HPS5: variants seen among roughly 807,000 people sequenced by gnomAD.
HPS5 encodes the protein BLOC-2 complex member HPS5.
Under a neutral mutation model 128.0 loss-of-function variants are expected in HPS5, and 83 were observed. The ratio of observed to expected loss-of-function variants is 0.65; its 90% CI spans 0.54 to 0.78. HPS5 has a LOEUF of 0.78. Ranked by LOEUF, HPS5 falls within the 30% of genes least tolerant of loss-of-function variation. The pLI is 0.00. For synonymous variants in HPS5, 475 were observed against 470.2 expected, an observed-to-expected ratio of 1.01 and a Z score of -0.13; for missense variants, 1,281 against 1,326.2, an observed-to-expected ratio of 0.97 and a Z score of 0.53.
intron 19 of HPS5, 96 bp downstream of exon 19, chr11:18,286,495 T>C (rs1859741684): frequency 2.4e-6 from 3 of 1,260,890 alleles, no homozygotes; most frequent in Admixed American, 2.1e-5. Context: ...GAAGCCATGA[T>C]CTTAGCACCA....
rs911262669 is a variant in HPS5 at position 18,282,208 on chromosome 11, T to G, written c.3071A>C (p.Glu1024Ala). ...LMEGDNGWIP[E>A]TVEEWKLLLH... Reference sequence around the variant, plus strand: ...GAGAAGCTTCCATTCCTCCACGGTCTCTGGGATCCAACCTAAACACACACA... The same window carrying G: ...GAGAAGCTTCCATTCCTCCACGGTCGCTGGGATCCAACCTAAACACACACA... Residue 1024 changes from glutamate (E) to alanine (A), a missense_variant, in exon 22 of 23, where the codon GAG (glutamate) becomes GCG (alanine). Transcript: ENST00000349215. 1 of 1,614,116 alleles carries G rather than the reference T, an allele frequency of 6.2e-7. No homozygotes were observed. Among genetic ancestry groups the G allele is most frequent in the African/African-American group, 1.3e-5 (1 of 75,034 alleles).
intron 6 of HPS5, among the ~76,000 whole-genome samples, chr11:18,308,549 T>C (rs1862618470): frequency 6.6e-6 from 1 of 152,164 alleles, no homozygotes; most frequent in African/African-American, 2.4e-5. Flanking sequence ...GGGCAGTGGT[T>C]CATGCCTATA....
chr11:18,282,461 C>T (rs1222622153), intron 21 of HPS5, among the ~76,000 whole-genome samples: 2 of 151,034 alleles, frequency 1.3e-5, no homozygotes, highest in African/African-American at 2.4e-5. Context: ...GACAGGGTCT[C>T]ACTACCATGT....
intron 8 of HPS5, among the ~76,000 whole-genome samples, chr11:18,301,454 C>CAAAAAAAAAAAAAAAA (rs899074500): frequency 1.9e-5 from 1 of 52,098 alleles, no homozygotes; most frequent in Non-Finnish European, 4.0e-5. Flanking sequence ...GACTCTGTCT[C>CAAAAAAAAAAAAAAAA]AAAAAAAAAA....
rs546608829 is a variant in HPS5 at position 18,310,985 on chromosome 11, A to G, written c.285-52T>C. 1.4e-5 allele frequency: 19 copies of G among 1,338,142 alleles called. No homozygotes were observed. In the South Asian group the frequency reaches 2.1e-4, roughly 15 times the overall value. The allele number at this position is 1,338,142 out of a possible 1,614,324, so 82.9% of individuals were successfully genotyped here. ...ACGTGGCAACAGTGAACAAGGTACA[A>G]TTTTGTTGCATCACAGTATCAACTA... is the stretch of plus-strand genomic sequence containing the variant. On this transcript the variant is annotated intron_variant, in intron 4 of 22. Transcript: ENST00000349215.
At chr11:18,316,852 C>T (rs1863678586) in intron 2 of HPS5, among the ~76,000 whole-genome samples, 2 of 152,210 alleles carry the variant, frequency 1.3e-5, no homozygotes, top group South Asian at 4.1e-4. Flanking sequence ...CATTTTATCA[C>T]TACTTGGTGT....
chr11:18,287,403 A>C, intron 18 of HPS5, 132 bp downstream of exon 18: 1 of 997,240 alleles, frequency 1.0e-6, no homozygotes, highest in Non-Finnish European at 1.6e-6. Context: ...AGGCCTCCCA[A>C]ATCCTCCTCT....
intron 11 of HPS5, among the ~76,000 whole-genome samples, chr11:18,297,249 G>A (rs1386369184): frequency 6.6e-6 from 1 of 152,188 alleles, no homozygotes; most frequent in Non-Finnish European, 1.5e-5. Flanking sequence ...ATCCAGACCT[G>A]CATTCAGGCT....
chr11:18,293,072 A>G, intron 14 of HPS5, 96 bp from the exon 15 acceptor site: 1 of 936,804 alleles, frequency 1.1e-6, no homozygotes, highest in African/African-American at 1.6e-5. Context: ...CCCAGGCTGC[A>G]GTGCAGTGAC....
chr11:18,285,189 G>T (rs1179906810), intron 20 of HPS5, among the ~76,000 whole-genome samples, 157 bp downstream of exon 20: 2 of 146,414 alleles, frequency 1.4e-5, no homozygotes, highest in East Asian at 3.9e-4. Context: ...ATGGAAAAAA[G>T]ATGTTTAATT....
intron 20 of HPS5, among the ~76,000 whole-genome samples, chr11:18,284,358 T>G (rs1268456902): frequency 6.6e-6 from 1 of 152,236 alleles, no homozygotes; most frequent in Non-Finnish European, 1.5e-5. Flanking sequence ...CTATATCCAG[T>G]ATCAGCATGT....
rs1339054535 is a variant in HPS5, at chr11:18,317,785, A to G, written c.74T>C (p.Leu25Pro). 1 of 1,613,978 alleles carries G rather than the reference A, an allele frequency of 6.2e-7. No individual in the cohort carries two copies. The highest frequency in any genetic ancestry group is 2.2e-5 in the East Asian group (1 of 44,880). Residue 25 changes from leucine to proline, a missense_variant, in exon 2 of 23, where the codon CTC becomes CCC. Coordinates refer to ENST00000349215, the MANE Select transcript of HPS5 (RefSeq NM_181507.2). ...LAEFESLDPL[L>P]SALRLDSSRL... ...ACTGGAGTCCAGCCGCAGGGCTGAGAGTAATGGATCCAGAGATTCAAACTC... is the reference window on the plus strand; with the variant it reads ...ACTGGAGTCCAGCCGCAGGGCTGAGGGTAATGGATCCAGAGATTCAAACTC...
chr11:18,319,440 G>A (rs1652205945), intron 1 of HPS5, among the ~76,000 whole-genome samples: 1 of 152,114 alleles, frequency 6.6e-6, no homozygotes, highest in African/African-American at 2.4e-5. Context: ...AAAAGGGAAA[G>A]GGTAGCAGGT....
rs754065494 is a variant in HPS5, at chr11:18,296,959, C to T, written c.1349G>A (p.Gly450Asp). The T allele has an allele frequency of 1.9e-6, 3 of 1,605,578 alleles. No homozygotes were observed. Among genetic ancestry groups the T allele is most frequent in the African/African-American group, 1.3e-5 (1 of 74,372 alleles). ...TCTACTACTAATGATACGATAAATA[C>T]CAGAGTCCAAGATGCTGAAACTTTC... ...SHESFSILDS[G>D]IYRIISSRRG... Residue 450 changes from glycine to aspartate, a missense_variant, in exon 12 of 23, where the codon GGT becomes GAT. Gly to Asp is a moderately conservative substitution (Grantham distance 94). Coordinates refer to ENST00000349215, the MANE Select transcript of HPS5 (RefSeq NM_181507.2).
At chr11:18,310,356 G>A (rs1260689843) in intron 5 of HPS5, among the ~76,000 whole-genome samples, 1 of 152,202 alleles carries the variant, frequency 6.6e-6, no homozygotes, top group Non-Finnish European at 1.5e-5. Context: ...ACAAGAAGCA[G>A]AGAAGACCAG....
chr11:18,305,459 A>G lies in HPS5; in HGVS notation c.859T>C (p.Ser287Pro). 1 of 1,610,662 alleles carries G rather than the reference A, an allele frequency of 6.2e-7. No homozygotes were observed. Among genetic ancestry groups the G allele is most frequent in the Non-Finnish European group, 8.5e-7 (1 of 1,177,042 alleles). ...EPQYDHTAGS[S>P]QSLSFPKLLH... ...AGTTTGGGGAAAGACAAAGACTGGG[A>G]GGATCCAGCTGTATGATCATACTGA... Residue 287 changes from serine to proline, a missense_variant, in exon 8 of 23, where the codon TCC (serine) becomes CCC (proline). Transcript: ENST00000349215.
intron 2 of HPS5, among the ~76,000 whole-genome samples, chr11:18,314,826 G>A (rs1033535019): frequency 1.3e-5 from 2 of 152,052 alleles, no homozygotes; most frequent in Non-Finnish European, 2.9e-5. Flanking sequence ...TCAGCCTTCT[G>A]AGTAGCTGGG....
At chr11:18,280,419 A>G in intron 22 of HPS5, 1 of 574,168 alleles carries the variant, frequency 1.7e-6, no homozygotes, top group Non-Finnish European at 3.0e-6. Context: ...GAGAAATTGG[A>G]ACTCTTGTGC....
Position 18,285,426 on chromosome 11 carries a change from A to C in HPS5, c.2871T>G (p.Ser957Arg). 1 of 1,613,390 alleles carries C rather than the reference A, an allele frequency of 6.2e-7. No homozygotes were observed. Among genetic ancestry groups the C allele is most frequent in the South Asian group, 1.1e-5 (1 of 91,074 alleles). The change falls in exon 20 of 23, where the codon AGT (serine) becomes AGG (arginine). Residue 957 changes from serine to arginine, a missense_variant. Transcript: ENST00000349215. ...GTTTAATTAGATGAAGGATCAGCTG[A>C]CTGTAACCCCAGGAAAGCAAGTGTG... is the stretch of plus-strand genomic sequence containing the variant. ...PHSHLLSWGY[S>R]QLILHLIKLP...
Sources: allele counts gnomAD v4.1 joint callset (sites outside exome capture counted in the v4.1 genomes callset), GRCh38; gene constraint gnomAD v4.1.1; transcripts MANE v1.5; gene names NCBI Gene and HGNC (gene_info 2026-07-23, HGNC 2026-07-21).